Variants in EPHB1 observed in about 807,000 individuals in gnomAD.
EPHB1 encodes EPH receptor B1, also known as ephrin type-B receptor 1.
A neutral mutation model predicts 94.4 loss-of-function variants in EPHB1; 30 were observed. The observed-to-expected ratio is 0.32, with a 90% CI of 0.24 to 0.43. EPHB1 has a LOEUF of 0.43. Ranked by LOEUF, EPHB1 falls within the 20% of genes least tolerant of loss-of-function variation. The pLI is 1.00. For missense variants in EPHB1, 1,055 were observed against 1,308.3 expected, an observed-to-expected ratio of 0.81 and a Z score of 2.99; for synonymous variants, 522 against 489.1, an observed-to-expected ratio of 1.07 and a Z score of -0.89.
intron 3 of EPHB1, among the ~76,000 whole-genome samples, chr3:135,101,827 T>C (rs1050691108): frequency 6.6e-6 from 1 of 151,946 alleles, no homozygotes; most frequent in Non-Finnish European, 1.5e-5. Context: ...ACTCTCATCT[T>C]ATAAGGAGAC....
At chr3:134,877,738 T>C (rs1325565799) in intron 1 of EPHB1, among the ~76,000 whole-genome samples, 7 of 152,214 alleles carry the variant, frequency 4.6e-5, no homozygotes, top group Non-Finnish European at 8.8e-5. Context: ...GTTTCTGCTA[T>C]AGAAAGCTGG....
chr3:134,836,230 C>A (rs901427936), intron 1 of EPHB1, among the ~76,000 whole-genome samples: 1 of 152,196 alleles, frequency 6.6e-6, no homozygotes, highest in East Asian at 1.9e-4. Context: ...ACTGATTTGA[C>A]AGCAACAGTC....
chr3:135,153,178 A>G (rs1007729809), intron 5 of EPHB1, among the ~76,000 whole-genome samples: 2 of 152,090 alleles, frequency 1.3e-5, no homozygotes, highest in African/African-American at 4.8e-5. Context: ...AGGATAGTAA[A>G]TGTCACTCAG....
chr3:135,051,494 G>T (rs1465654511), intron 3 of EPHB1, among the ~76,000 whole-genome samples: 1 of 152,142 alleles, frequency 6.6e-6, no homozygotes, highest in Non-Finnish European at 1.5e-5. Context: ...TGAAATTTAG[G>T]AATGGCTCAA....
intron 2 of EPHB1, among the ~76,000 whole-genome samples, chr3:134,938,656 T>G (rs1007299499): frequency 6.6e-6 from 1 of 152,124 alleles, no homozygotes; most frequent in African/African-American, 2.4e-5. Context: ...AAATAACTGA[T>G]GTGCACTCAG....
chr3:135,051,949 A>G (rs1937182301), intron 3 of EPHB1, among the ~76,000 whole-genome samples: 2 of 152,248 alleles, frequency 1.3e-5, no homozygotes, highest in Admixed American at 6.5e-5. Flanking sequence ...AGATATGACC[A>G]GGAAAAGATG....
intron 1 of EPHB1, among the ~76,000 whole-genome samples, chr3:134,874,581 TC>T (rs2037578015): frequency 6.6e-6 from 1 of 152,202 alleles, no homozygotes; most frequent in Non-Finnish European, 1.5e-5. Context: ...TGCACTGCCA[TC>T]CCCCAACCCC....
chr3:134,873,597 C>T (rs1466233037), intron 1 of EPHB1, among the ~76,000 whole-genome samples: 1 of 152,178 alleles, frequency 6.6e-6, no homozygotes, highest in Non-Finnish European at 1.5e-5. Flanking sequence ...TGTCATGCAC[C>T]GAGTTGATGG....
chr3:134,956,133 G>T (rs1466305635), intron 3 of EPHB1, among the ~76,000 whole-genome samples: 1 of 152,084 alleles, frequency 6.6e-6, no homozygotes, highest in Non-Finnish European at 1.5e-5. Context: ...GCAGGGGCAG[G>T]CTCCTTATCT....
chr3:135,159,506 T>C (rs1941450646), intron 6 of EPHB1, among the ~76,000 whole-genome samples: 1 of 152,250 alleles, frequency 6.6e-6, no homozygotes, highest in African/African-American at 2.4e-5. Context: ...ATTTTATTCT[T>C]ATTTGCAAGG....
At chr3:135,249,098 G>A (rs1932946552) in intron 14 of EPHB1, among the ~76,000 whole-genome samples, 1 of 152,186 alleles carries the variant, frequency 6.6e-6, no homozygotes, top group East Asian at 1.9e-4. Flanking sequence ...ATGTCAACCT[G>A]TCTGTCTGGG....
intron 3 of EPHB1, among the ~76,000 whole-genome samples, chr3:135,002,177 T>G (rs1336109013): frequency 2.0e-5 from 3 of 152,142 alleles, no homozygotes; most frequent in African/African-American, 7.2e-5. Flanking sequence ...TGGGTCTATG[T>G]CCCCACCCAA....
At chr3:135,088,245 G>C (rs774310808) in intron 3 of EPHB1, among the ~76,000 whole-genome samples, 14 of 152,144 alleles carry the variant, frequency 9.2e-5, no homozygotes, top group Admixed American at 3.9e-4. Context: ...TAAATAGCTG[G>C]AAAGGGCATC....
chr3:134,858,319 A>T (rs2037169834), intron 1 of EPHB1, among the ~76,000 whole-genome samples: 1 of 152,064 alleles, frequency 6.6e-6, no homozygotes, highest in Non-Finnish European at 1.5e-5. Context: ...GTAAGACTTG[A>T]TGCCAGTGCT....
chr3:135,105,526 A>T (rs1215936319), intron 3 of EPHB1, among the ~76,000 whole-genome samples: 1 of 152,196 alleles, frequency 6.6e-6, no homozygotes, highest in Non-Finnish European at 1.5e-5. Flanking sequence ...CAAGGAAGAG[A>T]CCAGATGTCT....
intron 1 of EPHB1, among the ~76,000 whole-genome samples, chr3:134,841,138 G>A (rs1193129804): frequency 6.6e-6 from 1 of 152,194 alleles, no homozygotes; most frequent in African/African-American, 2.4e-5. Flanking sequence ...TGGGCACTGA[G>A]TGATGCTGCT....
At chr3:135,038,598 G>A (rs565041742) in intron 3 of EPHB1, among the ~76,000 whole-genome samples, 49 of 152,214 alleles carry the variant, frequency 3.2e-4, no homozygotes, top group African/African-American at 9.6e-4. Flanking sequence ...ATGAAGCCGC[G>A]GACCCTCGCG....
chr3:135,178,948 T>C (rs1942069879), intron 9 of EPHB1, among the ~76,000 whole-genome samples: 1 of 152,220 alleles, frequency 6.6e-6, no homozygotes, highest in Non-Finnish European at 1.5e-5. Context: ...TGTACTTTGC[T>C]TAATGACGTA....
intron 3 of EPHB1, among the ~76,000 whole-genome samples, chr3:135,054,396 G>A (rs6439550): frequency 1 from 151,933 of 152,182 alleles, 75,842 homozygotes; most frequent in Middle Eastern, 1. Flanking sequence ...CCTTTATCCA[G>A]CTGTATTTTT....
Sources: gnomAD v4.1 joint callset for allele counts (sites outside exome capture counted in the v4.1 genomes callset) on GRCh38, gnomAD v4.1.1 for gene constraint, MANE v1.5 for transcripts, NCBI Gene and HGNC (gene_info 2026-07-23, HGNC 2026-07-21) for gene names.